CYSTM1: variants seen among roughly 807,000 people sequenced by gnomAD.
CYSTM1 encodes cysteine-rich transmembrane module-containing protein 1.
Under a neutral mutation model 13.1 loss-of-function variants are expected in CYSTM1, and 4 were observed. The ratio of observed to expected loss-of-function variants is 0.31; its 90% CI spans 0.15 to 0.70. CYSTM1 has a LOEUF of 0.70. Ranked by LOEUF, CYSTM1 falls within the 30% of genes least tolerant of loss-of-function variation. The pLI is 0.72. For missense variants in CYSTM1, 96 were observed against 121.6 expected (o/e 0.79, Z 0.99); for synonymous variants, 36 against 42.7 (o/e 0.84, Z 0.62).
At chr5:140,207,747 C>T (rs1436717800) in intron 2 of CYSTM1, among the ~76,000 whole-genome samples, 1 of 152,146 alleles carries the variant, frequency 6.6e-6, no homozygotes, top group Non-Finnish European at 1.5e-5. Context: ...AATGCCACTT[C>T]CTCTGTGTGG....
At chr5:140,235,834 G>A (rs1347458987) in intron 2 of CYSTM1, among the ~76,000 whole-genome samples, 3 of 152,170 alleles carry the variant, frequency 2.0e-5, no homozygotes, top group African/African-American at 7.2e-5. Context: ...TCTATCTGAG[G>A]CAGTGGCATT....
chr5:140,231,849 G>A (rs1464939571), intron 2 of CYSTM1, among the ~76,000 whole-genome samples: 1 of 152,250 alleles, frequency 6.6e-6, no homozygotes, highest in Non-Finnish European at 1.5e-5. Context: ...GAGGCTCATA[G>A]CCCAAGTTAA....
chr5:140,232,307 C>G (rs1488882140), intron 2 of CYSTM1, among the ~76,000 whole-genome samples: 1 of 152,036 alleles, frequency 6.6e-6, no homozygotes, highest in African/African-American at 2.4e-5. Flanking sequence ...AGAGGTTGGG[C>G]TAGAGATGTC....
chr5:140,226,518 AAT>A (rs1764554292), intron 2 of CYSTM1, among the ~76,000 whole-genome samples: 4 of 122,202 alleles, frequency 3.3e-5, no homozygotes, highest in Non-Finnish European at 4.9e-5. Context: ...ATATATTAAT[AAT>A]ATATAATATA....
chr5:140,195,905 C>T (rs1462479779), intron 2 of CYSTM1, among the ~76,000 whole-genome samples: 15 of 151,578 alleles, frequency 9.9e-5, no homozygotes, highest in Non-Finnish European at 5.9e-5. Flanking sequence ...ACTAGCCAGG[C>T]GTGGTGGTAC....
intron 2 of CYSTM1, among the ~76,000 whole-genome samples, chr5:140,212,125 A>G (rs1199478902): frequency 6.6e-6 from 1 of 152,240 alleles, no homozygotes; most frequent in Non-Finnish European, 1.5e-5. Flanking sequence ...GAGGGATGAC[A>G]TAACTAAGCT....
rs980056965 is a variant in CYSTM1, at chr5:140,237,423, G to T, written c.188-5882G>T. On this transcript the variant is annotated intron_variant, in intron 2 of 2. Transcript: ENST00000261811. ...GAGCACTGGGCCAGAAGGCAGGAGG[G>T]TGTGGTGACAGGCCAGGACCTGCCT... is the stretch of plus-strand genomic sequence containing the variant. 2.6e-5 allele frequency among the ~76,000 whole-genome samples: 4 copies of T among 152,212 alleles called. No homozygotes were observed. In the East Asian group the frequency reaches 7.7e-4, roughly 29 times the overall value.
At chr5:140,240,045 G>A (rs1040033150) in intron 2 of CYSTM1, among the ~76,000 whole-genome samples, 1 of 151,964 alleles carries the variant, frequency 6.6e-6, no homozygotes, top group African/African-American at 2.4e-5. Context: ...CTGGCCACAG[G>A]GGGGCACTTG....
chr5:140,184,325 A>G (rs1763992446), intron 1 of CYSTM1, among the ~76,000 whole-genome samples: 1 of 151,524 alleles, frequency 6.6e-6, no homozygotes, highest in Non-Finnish European at 1.5e-5. Context: ...ACCATGGTTT[A>G]TTTAACCATT....
rs1286939234 is a variant in CYSTM1 at position 140,243,418 on chromosome 5, C to T, written c.*7C>T. The T allele has an allele frequency of 6.2e-7, 1 of 1,613,378 alleles. No individual in the cohort carries two copies. Among genetic ancestry groups the T allele is most frequent in the South Asian group, 1.1e-5 (1 of 91,048 alleles). ...CTGGGACATGCTCACCTGACCAGAC[C>T]AGCCCAGCCGTCCTGTCCTGCCAGC... On this transcript the variant is annotated 3_prime_UTR_variant, in exon 3 of 3. Coordinates refer to ENST00000261811, the MANE Select transcript of CYSTM1 (RefSeq NM_032412.4).
At chr5:140,231,728 G>T (rs956513908) in intron 2 of CYSTM1, among the ~76,000 whole-genome samples, 9 of 152,194 alleles carry the variant, frequency 5.9e-5, no homozygotes, top group African/African-American at 1.7e-4. Flanking sequence ...AGGTGCCAAG[G>T]CCCAATGGCA....
chr5:140,212,784 T>C (rs950251059), intron 2 of CYSTM1, among the ~76,000 whole-genome samples: 1 of 151,790 alleles, frequency 6.6e-6, no homozygotes, highest in African/African-American at 2.4e-5. Context: ...CTGGGCAATA[T>C]GGCCAAACTC....
chr5:140,216,851 GA>G (rs1188816171), intron 2 of CYSTM1, among the ~76,000 whole-genome samples: 5 of 151,806 alleles, frequency 3.3e-5, no homozygotes, highest in Non-Finnish European at 5.9e-5. Context: ...AGGGCTTTCT[GA>G]AGTAAGGGGA....
intron 2 of CYSTM1, among the ~76,000 whole-genome samples, chr5:140,210,262 T>C (rs1764347953): frequency 6.6e-6 from 1 of 152,144 alleles, no homozygotes; most frequent in Non-Finnish European, 1.5e-5. Context: ...AACTTTTCTA[T>C]AGGTTAAAAT....
chr5:140,194,733 A>G, intron 2 of CYSTM1, 81 bp downstream of exon 2: 1 of 1,492,882 alleles, frequency 6.7e-7, no homozygotes, highest in South Asian at 1.3e-5. Flanking sequence ...CAGAGAAGAA[A>G]TTCTTTCCAG....
intron 2 of CYSTM1, among the ~76,000 whole-genome samples, chr5:140,206,822 G>A (rs1216021235): frequency 6.6e-6 from 1 of 151,988 alleles, no homozygotes; most frequent in African/African-American, 2.4e-5. Flanking sequence ...TTTGTAGAGA[G>A]GGGTCTCACC....
In CYSTM1 at chr5:140,190,675, A is replaced by G. The variant is rs566023292; in HGVS notation, c.-20-3771A>G. The stretch of plus-strand genomic sequence containing the variant: ...CTTATCTCCACTGACCACTTTCCCA[A>G]AGAATAGTTTCTGCCCTTCTCATTG... On this transcript the variant is annotated intron_variant, in intron 1 of 2. Coordinates refer to ENST00000261811, the MANE Select transcript of CYSTM1 (RefSeq NM_032412.4). 5.3e-5 allele frequency among the ~76,000 whole-genome samples: 8 copies of G among 152,300 alleles called. No individual in the cohort carries two copies. In the South Asian group the frequency reaches 1.7e-3, roughly 32 times the overall value.
chr5:140,233,518 G>A lies in CYSTM1; in HGVS notation c.188-9787G>A, dbSNP rs186138325. 1.5e-3 allele frequency among the ~76,000 whole-genome samples: 232 copies of A among 152,322 alleles called. 1 individual carries two copies. The highest frequency in any genetic ancestry group is 4.3e-3 in the Admixed American group (66 of 15,300). ...ATTTCTCTAAGCTGAATACCCAGGA[G>A]TGGAATTTCTGGATCATATGGTAGG... is the stretch of plus-strand genomic sequence containing the variant. On this transcript the variant is annotated intron_variant, in intron 2 of 2. Transcript: ENST00000261811.
Position 140,185,436 on chromosome 5 carries a change from T to C in CYSTM1, c.-20-9010T>C, listed in dbSNP as rs149629889. 7.9e-5 allele frequency among the ~76,000 whole-genome samples: 12 copies of C among 152,296 alleles called. No homozygotes were observed. In the East Asian group the frequency reaches 2.3e-3, roughly 29 times the overall value. On this transcript the variant is annotated intron_variant, in intron 1 of 2. Transcript: ENST00000261811. ...TAAAACTCTGGCAAACAAGAGATAT[T>C]GAATGAAGTAGGGGATGGCTAATGA...
Sources: allele counts gnomAD v4.1 joint callset (sites outside exome capture counted in the v4.1 genomes callset), GRCh38; gene constraint gnomAD v4.1.1; transcripts MANE v1.5; gene names NCBI Gene and HGNC (gene_info 2026-07-23, HGNC 2026-07-21).